UBE2E3: variants seen among roughly 807,000 people sequenced by gnomAD.
The protein encoded by UBE2E3 is ubiquitin-conjugating enzyme E2 E3.
A neutral mutation model predicts 23.6 loss-of-function variants in UBE2E3; 5 were observed. The observed-to-expected ratio is 0.21, with a 90% CI of 0.11 to 0.44. The LOEUF (loss-of-function observed/expected upper bound fraction) is 0.44. Among genes scored for constraint, UBE2E3 ranks in the 20% least tolerant of loss-of-function variants. The pLI is 0.99. For missense variants in UBE2E3, 81 were observed against 249.8 expected, an observed-to-expected ratio of 0.32 and a Z score of 4.55; for synonymous variants, 78 against 87.5, an observed-to-expected ratio of 0.89 and a Z score of 0.60.
At chr2:181,006,678 A>G (rs1179657140) in intron 3 of UBE2E3, among the ~76,000 whole-genome samples, 2 of 141,564 alleles carry the variant, frequency 1.4e-5, no homozygotes, top group African/African-American at 5.0e-5. Context: ...TGTGGTTGTA[A>G]GAAAGCAGAG....
chr2:181,018,331 G>T (rs11885073), intron 3 of UBE2E3, among the ~76,000 whole-genome samples: 2,736 of 151,564 alleles, frequency 0.018, 68 homozygotes, highest in African/African-American at 0.063. Flanking sequence ...AAGCACCTGT[G>T]TTTACACATG....
At chr2:180,996,829 A>G (rs1298592811) in intron 3 of UBE2E3, among the ~76,000 whole-genome samples, 1 of 152,204 alleles carries the variant, frequency 6.6e-6, no homozygotes, top group African/African-American at 2.4e-5. Flanking sequence ...ACCAAGATAC[A>G]TTTGTGTGAT....
At chr2:181,033,025 A>G (rs979276861) in intron 3 of UBE2E3, among the ~76,000 whole-genome samples, 1 of 152,202 alleles carries the variant, frequency 6.6e-6, no homozygotes, top group Non-Finnish European at 1.5e-5. Flanking sequence ...CAACGAAATA[A>G]AAGAGGACAC....
At chr2:181,036,128 A>G (rs957009369) in intron 3 of UBE2E3, among the ~76,000 whole-genome samples, 2 of 152,202 alleles carry the variant, frequency 1.3e-5, no homozygotes, top group Non-Finnish European at 2.9e-5. Context: ...GCAAAGAAAG[A>G]ACGAAGTTGG....
At chr2:180,996,713 G>A (rs889666638) in intron 3 of UBE2E3, among the ~76,000 whole-genome samples, 4 of 152,118 alleles carry the variant, frequency 2.6e-5, no homozygotes, top group African/African-American at 9.7e-5. Context: ...CCACATTGTA[G>A]TGATAGCAAA....
chr2:181,037,665 A>T (rs1271238469), intron 3 of UBE2E3, among the ~76,000 whole-genome samples: 4 of 152,306 alleles, frequency 2.6e-5, no homozygotes, highest in Non-Finnish European at 1.5e-5. Context: ...TTAAAAAAAA[A>T]TTTTAAGTTG....
At chr2:181,037,738 G>A (rs915706210) in intron 3 of UBE2E3, among the ~76,000 whole-genome samples, 1 of 152,102 alleles carries the variant, frequency 6.6e-6, no homozygotes, top group African/African-American at 2.4e-5. Context: ...GGAGGTTAAG[G>A]GGGGAGGATT....
At chr2:181,033,909 A>G (rs905917780) in intron 3 of UBE2E3, among the ~76,000 whole-genome samples, 4 of 152,256 alleles carry the variant, frequency 2.6e-5, no homozygotes, top group Non-Finnish European at 4.4e-5. Context: ...TTATGCAGCC[A>G]AAAGACACAT....
chr2:181,061,956 C>G (rs1354989673), intron 5 of UBE2E3, among the ~76,000 whole-genome samples: 1 of 151,208 alleles, frequency 6.6e-6, no homozygotes, highest in Non-Finnish European at 1.5e-5. Flanking sequence ...ATAGATGTAA[C>G]GTTTAAAAAG....
intron 3 of UBE2E3, among the ~76,000 whole-genome samples, chr2:181,055,596 C>T (rs914111421): frequency 2.0e-5 from 3 of 151,732 alleles, no homozygotes; most frequent in Admixed American, 1.3e-4. Flanking sequence ...TTGGGTACAG[C>T]AAAGTAATCA....
chr2:181,047,650 C>T (rs962853247), intron 3 of UBE2E3, among the ~76,000 whole-genome samples: 4 of 151,650 alleles, frequency 2.6e-5, no homozygotes, highest in African/African-American at 9.7e-5. Flanking sequence ...TGTTTTTTTC[C>T]TCCTAAATAA....
At chr2:181,022,542 C>T (rs1022929726) in intron 3 of UBE2E3, among the ~76,000 whole-genome samples, 3 of 151,916 alleles carry the variant, frequency 2.0e-5, no homozygotes, top group African/African-American at 7.3e-5. Context: ...GCCAACAGCA[C>T]TATAACCATG....
intron 3 of UBE2E3, among the ~76,000 whole-genome samples, chr2:181,002,425 A>G (rs1685017793): frequency 6.6e-6 from 1 of 152,192 alleles, no homozygotes; most frequent in Admixed American, 6.5e-5. Context: ...ATCAATTCAC[A>G]ATACTTTTTT....
chr2:180,981,896 A>C, intron 1 of UBE2E3, 122 bp from the exon 2 acceptor site: 2 of 704,664 alleles, frequency 2.8e-6, no homozygotes, highest in African/African-American at 1.8e-5. Flanking sequence ...CGATGAAATA[A>C]GTGTGAACAC....
intron 4 of UBE2E3, among the ~76,000 whole-genome samples, chr2:181,060,345 A>G (rs1418485259): frequency 6.6e-6 from 1 of 151,698 alleles, no homozygotes; most frequent in Non-Finnish European, 1.5e-5. Context: ...TTCTGTATGT[A>G]TGTGTACACA....
intron 3 of UBE2E3, among the ~76,000 whole-genome samples, chr2:181,056,271 G>C (rs1267577378): frequency 6.6e-6 from 1 of 151,744 alleles, no homozygotes; most frequent in East Asian, 1.9e-4. Flanking sequence ...GGCAGGAGAA[G>C]AGGCTCAAGG....
At chr2:181,004,212 A>G (rs1479947161) in intron 3 of UBE2E3, among the ~76,000 whole-genome samples, 4 of 152,266 alleles carry the variant, frequency 2.6e-5, no homozygotes, top group East Asian at 1.9e-4. Context: ...ACTTTCAGAA[A>G]TTATAATTTT....
intron 3 of UBE2E3, among the ~76,000 whole-genome samples, chr2:181,012,413 A>T (rs751703762): frequency 2.6e-5 from 4 of 152,152 alleles, no homozygotes; most frequent in Non-Finnish European, 5.9e-5. Context: ...AGGTACTTTA[A>T]TAGCTCTTTA....
intron 3 of UBE2E3, among the ~76,000 whole-genome samples, chr2:181,032,486 A>G (rs75259124): frequency 0.021 from 3,195 of 152,304 alleles, 50 homozygotes; most frequent in South Asian, 0.055. Flanking sequence ...TGAAGTTTCA[A>G]AGAAACATTT....
Sources: gnomAD v4.1 joint callset for allele counts (sites outside exome capture counted in the v4.1 genomes callset) on GRCh38, gnomAD v4.1.1 for gene constraint, MANE v1.5 for transcripts, NCBI Gene and HGNC (gene_info 2026-07-23, HGNC 2026-07-21) for gene names.